Variants in PRMT9 observed in about 807,000 individuals in gnomAD.
PRMT9 encodes the protein protein arginine methyltransferase 9, also known as protein arginine N-methyltransferase 9.
A neutral mutation model predicts 83.2 loss-of-function variants in PRMT9; 59 were observed. That is an observed-to-expected ratio of 0.71 (90% CI 0.57 to 0.88). The LOEUF (loss-of-function observed/expected upper bound fraction) is 0.88, where lower values mean the gene tolerates loss of function less well. Among genes scored for constraint, PRMT9 ranks in the 40% least tolerant of loss-of-function variants. The pLI is 0.00. For missense variants in PRMT9, 947 were observed against 1,021.9 expected (o/e 0.93, Z 1.00); for synonymous variants, 333 against 353.2 (o/e 0.94, Z 0.64).
Position 147,638,651 on chromosome 4 carries a change from A to T in PRMT9, c.2419T>A (p.Ser807Thr), listed in dbSNP as rs142086610. The stretch of plus-strand genomic sequence containing the variant: ...ACAACTGCAGCTTGTTTCCAGTGGG[A>T]GGCTTCACTTGAAGTATCCAACCTA... ...EIRLDTSSEA[S>T]HWKQAAVVLD... Residue 807 changes from serine (S) to threonine (T), a missense_variant, in exon 12 of 12, where the codon TCC (serine) becomes ACC (threonine). Transcript: ENST00000322396. 3 of 1,613,492 alleles carry T rather than the reference A, an allele frequency of 1.9e-6. No individual in the cohort carries two copies. Among genetic ancestry groups the T allele is most frequent in the African/African-American group, 2.7e-5 (2 of 75,012 alleles).
Position 147,638,318 on chromosome 4 carries a change from G to C in PRMT9, c.*214C>G. The C allele has an allele frequency of 1.8e-6, 1 of 559,538 alleles. No homozygotes were observed. The highest frequency in any genetic ancestry group is 2.3e-5 in the South Asian group (1 of 44,364). 34.7% of individuals were successfully genotyped at this position (559,538 alleles called of 1,614,324 possible). A position where few individuals can be genotyped will look rare whatever the true frequency, so the allele number is the denominator to read the frequency against. ...AGAAGTTTCCTAATTTAAAAAACTA[G>C]TGATGTATCCTTTTCCAGAAAGCAA... On this transcript the variant is annotated 3_prime_UTR_variant, in exon 12 of 12. Coordinates refer to ENST00000322396, the MANE Select transcript of PRMT9 (RefSeq NM_138364.4).
intron 2 of PRMT9, among the ~76,000 whole-genome samples, chr4:147,679,484 A>C (rs899095325): frequency 2.0e-5 from 3 of 151,906 alleles, no homozygotes; most frequent in African/African-American, 7.3e-5. Context: ...GCAGTGGCTC[A>C]CACCTGTAAT....
chr4:147,680,239 CCT>C, intron 2 of PRMT9, 82 bp downstream of exon 2: 1 of 1,253,274 alleles, frequency 8.0e-7, no homozygotes, highest in African/African-American at 1.5e-5. Context: ...TTAAACTTTC[CCT>C]GTTAAAATTA....
intron 4 of PRMT9, chr4:147,671,900 G>T (rs1395706302): frequency 2.2e-6 from 1 of 456,064 alleles, no homozygotes; most frequent in African/African-American, 2.0e-5. Context: ...ACTGGAGAAG[G>T]AAAGGCCGTG....
chr4:147,640,058 TG>T (rs1733280165), intron 10 of PRMT9, among the ~76,000 whole-genome samples: 9 of 122,304 alleles, frequency 7.4e-5, no homozygotes, highest in Non-Finnish European at 1.2e-4. Context: ...GGTCCACTCC[TG>T]TCTTTTTTTT....
intron 6 of PRMT9, among the ~76,000 whole-genome samples, chr4:147,663,768 T>C (rs770776392): frequency 1.1e-4 from 17 of 152,232 alleles, no homozygotes; most frequent in Non-Finnish European, 1.0e-4. Flanking sequence ...GTCCTCTCAT[T>C]TCTTCACTGT....
chr4:147,668,587 A>T lies in PRMT9; in HGVS notation c.905T>A (p.Val302Asp). 1 of 1,612,658 alleles carries T rather than the reference A, an allele frequency of 6.2e-7. No individual in the cohort carries two copies. Among genetic ancestry groups the T allele is most frequent in the Non-Finnish European group, 8.5e-7 (1 of 1,179,140 alleles). ...KYGKVIPASA[V>D]IFGMAVECAE... is the part of the protein sequence containing the mutation. ...ACATTCTACTGCCATCCCAAATATAACAGCACTTGCTGGTATAACTTTCCC... is the reference window on the plus strand; with the variant it reads ...ACATTCTACTGCCATCCCAAATATATCAGCACTTGCTGGTATAACTTTCCC... Residue 302 changes from valine (V) to aspartate (D), a missense_variant, in exon 6 of 12, where the codon GTT (valine) becomes GAT (aspartate). Physicochemically the swap from Val to Asp is radical, Grantham distance 152. Transcript: ENST00000322396.
At chr4:147,676,704 A>G (rs1035120601) in intron 2 of PRMT9, among the ~76,000 whole-genome samples, 7 of 152,212 alleles carry the variant, frequency 4.6e-5, no homozygotes, top group African/African-American at 1.7e-4. Flanking sequence ...ACTAGCTAAT[A>G]AAGTTTGGCA....
intron 10 of PRMT9, among the ~76,000 whole-genome samples, chr4:147,642,030 C>T (rs909279410): frequency 2.6e-5 from 4 of 152,136 alleles, no homozygotes; most frequent in Admixed American, 6.5e-5. Context: ...GCTCTGTTTT[C>T]CTAGGCTCCT....
At chr4:147,681,845 G>A (rs115643300) in intron 1 of PRMT9, among the ~76,000 whole-genome samples, 1 of 151,972 alleles carries the variant, frequency 6.6e-6, no homozygotes, top group African/African-American at 2.4e-5. Context: ...CAGATAAGTG[G>A]CTTGGTGTGG....
intron 6 of PRMT9, among the ~76,000 whole-genome samples, chr4:147,665,836 A>G (rs1735292802): frequency 6.6e-6 from 1 of 152,190 alleles, no homozygotes. Flanking sequence ...ATTTATTGAA[A>G]TACTTTCTTA....
chr4:147,656,887 A>G (rs1275741555), intron 8 of PRMT9, among the ~76,000 whole-genome samples: 1 of 151,784 alleles, frequency 6.6e-6, no homozygotes, highest in South Asian at 2.1e-4. Flanking sequence ...TGGGCCTCCC[A>G]AAGTACTAGG....
chr4:147,638,687 C>T lies in PRMT9; in HGVS notation c.2383G>A (p.Asp795Asn). 6.2e-7 allele frequency: 1 copy of T among 1,613,738 alleles called. No individual in the cohort carries two copies. The highest frequency in any genetic ancestry group is 1.7e-5 in the Admixed American group (1 of 60,010). The change falls in exon 12 of 12, where the codon GAT becomes AAT. Residue 795 changes from aspartate (D) to asparagine (N), a missense_variant. Transcript: ENST00000322396. ...AIPFWYHMYL[D>N]EEIRLDTSSE... ...GAAGTATCCAACCTAATCTCTTCAT[C>T]AAGGTACATATGATACCAAAATGGA...
Position 147,637,905 on chromosome 4 carries a change from C to T in PRMT9, c.*627G>A, listed in dbSNP as rs2126560080. The T allele has an allele frequency of 6.5e-6, 1 of 152,860 alleles. No individual in the cohort carries two copies. Among genetic ancestry groups the T allele is most frequent in the African/African-American group, 2.4e-5 (1 of 41,568 alleles). 9.5% of individuals were successfully genotyped at this position (152,860 alleles called of 1,614,324 possible). On this transcript the variant is annotated 3_prime_UTR_variant, in exon 12 of 12. Transcript: ENST00000322396. ...AATAGTATAGGATTAAGTCTTCCTT[C>T]AATTTAACTTTGTTTTGTTACCAGC... is the stretch of plus-strand genomic sequence containing the variant.
At position 147,660,990 on chromosome 4, in the gene PRMT9, T is replaced by C. The variant is rs1734911143; in HGVS notation, c.1002A>G (p.Lys334=). The C allele has an allele frequency of 6.2e-7, 1 of 1,613,456 alleles. No homozygotes were observed. The highest frequency in any genetic ancestry group is 8.5e-7 in the Non-Finnish European group (1 of 1,179,470). Residue 334 remains lysine (K), a synonymous_variant, in exon 7 of 12, where the codon AAA becomes AAG. Coordinates refer to ENST00000322396, the MANE Select transcript of PRMT9 (RefSeq NM_138364.4). ...CAGAAGAATAAGCCGGACTCTGAAATTTCACATTTGTTGGCAAATGGATAC... is the reference window on the plus strand; with the variant it reads ...CAGAAGAATAAGCCGGACTCTGAAACTTCACATTTGTTGGCAAATGGATAC... The part of the protein sequence containing the change: ...IAGIHLPTNV[K]FQSPAYSSVD...
intron 5 of PRMT9, among the ~76,000 whole-genome samples, chr4:147,668,861 C>T (rs1469742471): frequency 2.0e-5 from 3 of 151,844 alleles, no homozygotes; most frequent in African/African-American, 4.8e-5. Flanking sequence ...CCAAGGCAGG[C>T]GGATCACGAG....
rs34005730 is a variant in PRMT9, at chr4:147,659,178, CA to C, written c.1147-1204del. The stretch of plus-strand genomic sequence containing the variant: ...TGGGCGACAGAGTGAGAGTCCACCT[CA>C]AAAAAAAAAAAAAGAGTTCGAGACC... On this transcript the variant is annotated intron_variant, in intron 7 of 11. Transcript: ENST00000322396. 5.8e-3 allele frequency among the ~76,000 whole-genome samples: 666 copies of C among 115,722 alleles called. 1 individual carries two copies. Among genetic ancestry groups the C allele is most frequent in the Non-Finnish European group, 7.7e-3 (419 of 54,466 alleles). 75.9% of individuals were successfully genotyped at this position (115,722 alleles called of 152,430 possible). A position where few individuals can be genotyped will look rare whatever the true frequency, so the allele number is the denominator to read the frequency against.
chr4:147,661,606 C>T (rs1453473044), intron 6 of PRMT9, among the ~76,000 whole-genome samples: 2 of 151,808 alleles, frequency 1.3e-5, no homozygotes, highest in Admixed American at 1.3e-4. Flanking sequence ...CTGGCTAACA[C>T]AGTGAAACCC....
chr4:147,647,803 A>T (rs1733826980), intron 9 of PRMT9, among the ~76,000 whole-genome samples: 1 of 152,076 alleles, frequency 6.6e-6, no homozygotes, highest in Admixed American at 6.6e-5. Flanking sequence ...GATTACAGGC[A>T]TGAACCCACC....
Sources: allele counts gnomAD v4.1 joint callset (sites outside exome capture counted in the v4.1 genomes callset), GRCh38; gene constraint gnomAD v4.1.1; transcripts MANE v1.5; gene names NCBI Gene and HGNC (gene_info 2026-07-23, HGNC 2026-07-21).